The following PTGFRN variants were observed in gnomAD, a reference collection of about 807,000 sequenced individuals.
The protein encoded by PTGFRN is prostaglandin F2 receptor negative regulator.
Under a neutral mutation model 83.2 loss-of-function variants are expected in PTGFRN, and 35 were observed. The ratio of observed to expected loss-of-function variants is 0.42; its 90% CI spans 0.32 to 0.56. The LOEUF (loss-of-function observed/expected upper bound fraction) is 0.56, where lower values mean the gene tolerates loss of function less well. Ranked by LOEUF, PTGFRN falls within the 20% of genes least tolerant of loss-of-function variation. The pLI is 0.11. For synonymous variants in PTGFRN, 519 were observed against 498.6 expected (o/e 1.04, Z -0.55); for missense variants, 1,051 against 1,179.5 (o/e 0.89, Z 1.60).
chr1:116,912,066 A>G (rs1406789511), intron 1 of PTGFRN, among the ~76,000 whole-genome samples: 2 of 152,190 alleles, frequency 1.3e-5, no homozygotes, highest in African/African-American at 2.4e-5. Context: ...GGGATGAGGT[A>G]GAACTTTGAA....
chr1:116,911,095 C>T (rs1467112232), intron 1 of PTGFRN, among the ~76,000 whole-genome samples: 3 of 151,308 alleles, frequency 2.0e-5, no homozygotes, highest in Non-Finnish European at 2.9e-5. Context: ...CAGACACCAT[C>T]TTCACGTAGA....
chr1:116,928,260 A>T (rs137926850), intron 1 of PTGFRN, among the ~76,000 whole-genome samples: 1 of 152,178 alleles, frequency 6.6e-6, no homozygotes, highest in Non-Finnish European at 1.5e-5. Context: ...TTGATTGTCA[A>T]TTCTGATATT....
intron 1 of PTGFRN, among the ~76,000 whole-genome samples, chr1:116,914,928 A>G (rs1649363450): frequency 6.6e-6 from 1 of 152,168 alleles, no homozygotes; most frequent in Admixed American, 6.5e-5. Context: ...TCTCGATTGC[A>G]TATCAAGCGT....
At chr1:116,954,591 G>T (rs954302767) in intron 4 of PTGFRN, among the ~76,000 whole-genome samples, 1 of 152,228 alleles carries the variant, frequency 6.6e-6, no homozygotes, top group South Asian at 2.1e-4. Flanking sequence ...CACAGTTCAG[G>T]ATTAGTGCTT....
rs1335368111 is a variant in PTGFRN at position 116,988,098 on chromosome 1, C to A, written c.*1131C>A. 1 of 152,196 alleles carries A rather than the reference C, an allele frequency of 6.6e-6. No homozygotes were observed. Among genetic ancestry groups the A allele is most frequent in the African/African-American group, 2.4e-5 (1 of 41,442 alleles). 9.4% of individuals were successfully genotyped at this position (152,196 alleles called of 1,614,324 possible). The stretch of plus-strand genomic sequence containing the variant: ...TGCTACTTGCAAGACTGACTGACTT[C>A]AAGGAATCAGAAATTACCTAGAAGC... On this transcript the variant is annotated 3_prime_UTR_variant, in exon 9 of 9. Coordinates refer to ENST00000393203, the MANE Select transcript of PTGFRN (RefSeq NM_020440.4).
At chr1:116,962,819 C>T (rs980109839) in intron 5 of PTGFRN, among the ~76,000 whole-genome samples, 1 of 152,218 alleles carries the variant, frequency 6.6e-6, no homozygotes, top group South Asian at 2.1e-4. Flanking sequence ...AATCCTACCA[C>T]CTGACATCGT....
chr1:116,913,047 G>A (rs1263957330), intron 1 of PTGFRN, among the ~76,000 whole-genome samples: 1 of 152,202 alleles, frequency 6.6e-6, no homozygotes, highest in African/African-American at 2.4e-5. Context: ...CACTCTGTGT[G>A]CAACTGTGTG....
intron 7 of PTGFRN, among the ~76,000 whole-genome samples, chr1:116,977,950 G>A (rs1470329750): frequency 1.3e-5 from 2 of 152,002 alleles, no homozygotes; most frequent in Non-Finnish European, 2.9e-5. Flanking sequence ...TTTTTGAAAA[G>A]ATCAACAAAA....
At chr1:116,948,899 C>A (rs1650264155) in intron 3 of PTGFRN, among the ~76,000 whole-genome samples, 1 of 152,144 alleles carries the variant, frequency 6.6e-6, no homozygotes, top group African/African-American at 2.4e-5. Flanking sequence ...AATTAGGCCT[C>A]TTAGGGTTGT....
intron 2 of PTGFRN, among the ~76,000 whole-genome samples, 191 bp downstream of exon 2, chr1:116,942,274 TG>T (rs2101063735): frequency 6.6e-6 from 1 of 152,334 alleles, no homozygotes; most frequent in Non-Finnish European, 1.5e-5. Context: ...AGGCAGGGGA[TG>T]GGCCAGATGA....
At chr1:116,932,443 A>G (rs1428693216) in intron 1 of PTGFRN, among the ~76,000 whole-genome samples, 1 of 152,206 alleles carries the variant, frequency 6.6e-6, no homozygotes, top group Non-Finnish European at 1.5e-5. Context: ...TTAATTTTCT[A>G]CTGCTGAGAA....
chr1:116,967,454 G>T (rs1212679203), intron 6 of PTGFRN, 124 bp downstream of exon 6: 10 of 1,004,278 alleles, frequency 1.0e-5, no homozygotes, highest in African/African-American at 1.6e-5. Flanking sequence ...CAATGTACCT[G>T]TTTAAAGTGT....
rs367630683 is a variant in PTGFRN at position 116,951,572 on chromosome 1, G to A, written c.1213+2000G>A. Among the ~76,000 whole-genome samples, 15 of 152,350 alleles carry A rather than the reference G, an allele frequency of 9.8e-5. No homozygotes were observed. The South Asian group carries it at 3.1e-3, about 32-fold the overall frequency. On this transcript the variant is annotated intron_variant, in intron 4 of 8. Coordinates refer to ENST00000393203, the MANE Select transcript of PTGFRN (RefSeq NM_020440.4). The stretch of plus-strand genomic sequence containing the variant: ...TAGGAAAGCTAGAATTGCTAAGAAA[G>A]CAGTAATGTTCAACTCCTAGGATAT...
In PTGFRN at chr1:116,949,366, G is replaced by A. The variant is rs768367518; in HGVS notation, c.1007G>A (p.Arg336His). The A allele has an allele frequency of 2.4e-5, 38 of 1,614,126 alleles. No individual in the cohort carries two copies. The highest frequency in any genetic ancestry group is 5.0e-5 in the Admixed American group (3 of 60,012). The change falls in exon 4 of 9, where the codon CGT (arginine) becomes CAT (histidine). Residue 336 changes from arginine to histidine, a missense_variant. Arg to His is a conservative substitution (Grantham distance 29). Around this residue, in one of 3 missense-constraint regions of PTGFRN, gnomAD observed 719 missense variants for 836.6 expected, o/e 0.86. Coordinates refer to ENST00000393203, the MANE Select transcript of PTGFRN (RefSeq NM_020440.4). ...PGSRVLARLD[R>H]DSLVHSSPHV... ...TCCCGCGTGTTGGCGCGGCTTGACC[G>A]TGATTCCCTGGTGCACAGCTCGCCT...
intron 1 of PTGFRN, among the ~76,000 whole-genome samples, chr1:116,924,309 G>A (rs1649604486): frequency 9.1e-6 from 1 of 110,248 alleles, no homozygotes. Flanking sequence ...ACCACACCCG[G>A]CTAATTTTTG....
chr1:116,930,523 G>A (rs1218570069), intron 1 of PTGFRN, among the ~76,000 whole-genome samples: 1 of 152,134 alleles, frequency 6.6e-6, no homozygotes, highest in Non-Finnish European at 1.5e-5. Context: ...CATTCCAACT[G>A]TCCGGTGGAC....
intron 1 of PTGFRN, among the ~76,000 whole-genome samples, chr1:116,927,727 C>T (rs1005128313): frequency 1.3e-5 from 2 of 150,898 alleles, no homozygotes; most frequent in Non-Finnish European, 2.9e-5. Flanking sequence ...TTTATAGAGA[C>T]GAGATCTATG....
intron 7 of PTGFRN, among the ~76,000 whole-genome samples, chr1:116,983,444 T>G (rs1651375315): frequency 6.7e-6 from 1 of 149,828 alleles, no homozygotes; most frequent in African/African-American, 2.5e-5. Flanking sequence ...TGAGGCTGTT[T>G]ATGGCACTCC....
chr1:116,930,692 C>T (rs1361624739), intron 1 of PTGFRN, among the ~76,000 whole-genome samples: 1 of 152,142 alleles, frequency 6.6e-6, no homozygotes, highest in African/African-American at 2.4e-5. Flanking sequence ...CCCTTGTTTT[C>T]ATTATTATTA....
Sources: gnomAD v4.1 joint callset for allele counts (sites outside exome capture counted in the v4.1 genomes callset) on GRCh38, gnomAD v4.1.1 for gene constraint, gnomAD v4.1.1 regional missense constraint, MANE v1.5 for transcripts, NCBI Gene and HGNC (gene_info 2026-07-23, HGNC 2026-07-21) for gene names.